Variants in ARHGAP24 observed in about 807,000 individuals in gnomAD.
The protein encoded by ARHGAP24 is Rho GTPase activating protein 24.
In ARHGAP24, 50 loss-of-function variants were observed where a neutral mutation model predicts 76.4. That is an observed-to-expected ratio of 0.65 (90% CI 0.52 to 0.83). The LOEUF is 0.83. ARHGAP24 is among the 40% of genes least tolerant of loss of function. ARHGAP24 has a pLI of 0.00. For missense variants in ARHGAP24, 930 were observed against 914.2 expected (o/e 1.02, Z -0.22); for synonymous variants, 345 against 323.3 (o/e 1.07, Z -0.72).
intron 5 of ARHGAP24, among the ~76,000 whole-genome samples, chr4:85,952,746 G>C (rs1737692147): frequency 6.6e-6 from 1 of 152,102 alleles, no homozygotes; most frequent in Non-Finnish European, 1.5e-5. Context: ...TCCTTGGCCA[G>C]TGAATTTTGT....
intron 1 of ARHGAP24, among the ~76,000 whole-genome samples, chr4:85,498,851 C>T (rs1018528954): frequency 2.6e-5 from 4 of 152,214 alleles, no homozygotes; most frequent in Non-Finnish European, 5.9e-5. Context: ...ATCCATACTT[C>T]TAAGAAAATG....
At chr4:85,910,978 TGAGA>T (rs952201481) in intron 3 of ARHGAP24, among the ~76,000 whole-genome samples, 6 of 151,986 alleles carry the variant, frequency 3.9e-5, no homozygotes, top group African/African-American at 1.4e-4. Flanking sequence ...GACTTTGCTC[TGAGA>T]TCGGAGTGGA....
intron 2 of ARHGAP24, among the ~76,000 whole-genome samples, chr4:85,712,689 A>G (rs1560597201): frequency 1.3e-5 from 2 of 152,082 alleles, no homozygotes; most frequent in Non-Finnish European, 2.9e-5. Flanking sequence ...TGTGTGAACC[A>G]AATCTCCCTG....
chr4:85,958,559 T>G (rs1477175118), intron 5 of ARHGAP24, among the ~76,000 whole-genome samples: 2 of 152,230 alleles, frequency 1.3e-5, no homozygotes, highest in African/African-American at 2.4e-5. Context: ...GTAAGATACC[T>G]ATAAGATTTT....
Position 85,773,374 on chromosome 4 carries a change from C to T in ARHGAP24, c.268+51402C>T, listed in dbSNP as rs1727199356. On this transcript the variant is annotated intron_variant, in intron 3 of 9. Transcript: ENST00000395184. Reference sequence around the variant, plus strand: ...CCAAATTCCTGAGCCTGGCTTTTGCCTGTCTTCCTTTCTGCATACTTTATC... The same window carrying T: ...CCAAATTCCTGAGCCTGGCTTTTGCTTGTCTTCCTTTCTGCATACTTTATC... 2.0e-5 allele frequency among the ~76,000 whole-genome samples: 3 copies of T among 152,180 alleles called. No homozygotes were observed. In the South Asian group the frequency reaches 6.2e-4, roughly 31 times the overall value.
At chr4:85,535,356 A>C (rs1725428163) in intron 1 of ARHGAP24, among the ~76,000 whole-genome samples, 1 of 152,188 alleles carries the variant, frequency 6.6e-6, no homozygotes, top group Non-Finnish European at 1.5e-5. Context: ...TACAACTACT[A>C]ATTGAAATGT....
intron 8 of ARHGAP24, chr4:85,990,981 A>G (rs950001232): frequency 6.6e-6 from 1 of 152,018 alleles, no homozygotes; most frequent in African/African-American, 2.4e-5. Context: ...TTGGAAATGG[A>G]GACTACATTT....
intron 1 of ARHGAP24, among the ~76,000 whole-genome samples, chr4:85,481,553 G>T (rs2110087333): frequency 6.6e-6 from 1 of 152,270 alleles, no homozygotes; most frequent in South Asian, 2.1e-4. Context: ...GAGAAAAGAG[G>T]CTCCATCTAC....
intron 3 of ARHGAP24, chr4:85,723,138 C>G (rs1354022096): frequency 1.3e-5 from 2 of 148,228 alleles, no homozygotes; most frequent in Admixed American, 6.8e-5. Flanking sequence ...TGTATAGAAC[C>G]AGATTCCAGA....
chr4:85,981,438 A>G (rs1739663565), intron 8 of ARHGAP24, among the ~76,000 whole-genome samples: 1 of 152,164 alleles, frequency 6.6e-6, no homozygotes, highest in Non-Finnish European at 1.5e-5. Context: ...TATCTTTGAT[A>G]CTATAGAAAT....
At position 85,650,567 on chromosome 4, in the gene ARHGAP24, C is replaced by T. The variant is rs191469262; in HGVS notation, c.181-71318C>T. ...GTTACTATGCATCAAATACTTAGAA[C>T]AGTTCTTGTTTCCTGTAGTAAGCCC... On this transcript the variant is annotated intron_variant, in intron 2 of 9. Transcript: ENST00000395184. Among the ~76,000 whole-genome samples, 318 of 149,558 alleles carry T rather than the reference C, an allele frequency of 2.1e-3. 49 individuals are homozygous for T. Among genetic ancestry groups the T allele is most frequent in the African/African-American group, 7.8e-3 (305 of 38,984 alleles).
intron 3 of ARHGAP24, among the ~76,000 whole-genome samples, chr4:85,759,181 G>C (rs1726639310): frequency 6.6e-6 from 1 of 152,098 alleles, no homozygotes; most frequent in African/African-American, 2.4e-5. Context: ...ATCATCTGGG[G>C]ACCCCTTGCA....
intron 3 of ARHGAP24, among the ~76,000 whole-genome samples, chr4:85,724,491 G>GTGTATA (rs1263516320): frequency 2.8e-4 from 3 of 10,710 alleles, no homozygotes; most frequent in African/African-American, 3.7e-4. Context: ...TTCCATGTGT[G>GTGTATA]TATATATATA....
intron 8 of ARHGAP24, among the ~76,000 whole-genome samples, chr4:85,980,338 C>A (rs1030786801): frequency 1.3e-5 from 2 of 152,166 alleles, no homozygotes; most frequent in African/African-American, 4.8e-5. Context: ...AAAATTATAA[C>A]TACAGGGTTT....
chr4:85,521,923 T>A (rs1253118222), intron 1 of ARHGAP24, among the ~76,000 whole-genome samples: 1 of 152,114 alleles, frequency 6.6e-6, no homozygotes, highest in Non-Finnish European at 1.5e-5. Flanking sequence ...AGAATTTCAG[T>A]GGAAAAGCTA....
intron 1 of ARHGAP24, among the ~76,000 whole-genome samples, chr4:85,559,169 A>G (rs1726500993): frequency 6.6e-6 from 1 of 152,196 alleles, no homozygotes; most frequent in Non-Finnish European, 1.5e-5. Flanking sequence ...TGCTATGTGC[A>G]TAAAGCTCTC....
At chr4:85,585,869 C>T (rs72979954) in intron 2 of ARHGAP24, among the ~76,000 whole-genome samples, 4,359 of 152,154 alleles carry the variant, frequency 0.029, 202 homozygotes, top group African/African-American at 0.1. Flanking sequence ...GGGAAAAGTG[C>T]CAATTATCTC....
At chr4:85,742,847 T>A (rs1212238164) in intron 3 of ARHGAP24, among the ~76,000 whole-genome samples, 1 of 152,230 alleles carries the variant, frequency 6.6e-6, no homozygotes, top group African/African-American at 2.4e-5. Context: ...ATTTTGCACA[T>A]AGGTTATAAG....
intron 2 of ARHGAP24, among the ~76,000 whole-genome samples, chr4:85,577,976 A>G (rs1050878948): frequency 6.6e-6 from 1 of 152,242 alleles, no homozygotes; most frequent in Non-Finnish European, 1.5e-5. Flanking sequence ...GTTTGTTAAG[A>G]GTCCAGAAAG....
Sources: allele counts gnomAD v4.1 joint callset (sites outside exome capture counted in the v4.1 genomes callset), GRCh38; gene constraint gnomAD v4.1.1; transcripts MANE v1.5; gene names NCBI Gene and HGNC (gene_info 2026-07-23, HGNC 2026-07-21).